ACYP2: variants seen among roughly 807,000 people sequenced by gnomAD.
ACYP2 encodes the protein acylphosphatase 2.
A neutral mutation model predicts 11.2 loss-of-function variants in ACYP2; 12 were observed. The ratio of observed to expected loss-of-function variants is 1.08; its 90% CI spans 0.69 to 1.74. ACYP2 has a LOEUF of 1.74. Among genes scored for constraint, ACYP2 ranks in the 40% most tolerant of loss-of-function variants. The probability of loss-of-function intolerance (pLI) is 0.00; values close to 1 mark genes in which losing one functional copy is unlikely to be tolerated. For synonymous variants in ACYP2, 43 were observed against 32.2 expected, an observed-to-expected ratio of 1.33 and a Z score of -1.13; for missense variants, 134 against 101.9, an observed-to-expected ratio of 1.31 and a Z score of -1.35.
chr2:54,136,813 T>G (rs2103778930), intron 5 of ACYP2, among the ~76,000 whole-genome samples: 1 of 152,176 alleles, frequency 6.6e-6, no homozygotes, highest in South Asian at 2.1e-4. Context: ...CCATCTCTAC[T>G]AAAAATACAA....
chr2:54,209,064 T>A (rs760186545), intron 6 of ACYP2, among the ~76,000 whole-genome samples: 4 of 151,944 alleles, frequency 2.6e-5, no homozygotes, highest in Non-Finnish European at 5.9e-5. Flanking sequence ...AGAATGAAGC[T>A]AGGAATGTTT....
chr2:53,971,619 G>A (rs1671124784), intron 1 of ACYP2, among the ~76,000 whole-genome samples: 1 of 152,174 alleles, frequency 6.6e-6, no homozygotes, highest in Non-Finnish European at 1.5e-5. Context: ...GCCCTCCCAA[G>A]GACTTAGTCT....
At chr2:54,201,620 CTTT>C (rs1684791429) in intron 6 of ACYP2, among the ~76,000 whole-genome samples, 7 of 87,108 alleles carry the variant, frequency 8.0e-5, no homozygotes, top group Middle Eastern at 5.9e-3. Context: ...TTCTTTCTTT[CTTT>C]GTTTCTTTCT....
chr2:54,213,423 T>A (rs1405886552), intron 6 of ACYP2, among the ~76,000 whole-genome samples: 1 of 152,196 alleles, frequency 6.6e-6, no homozygotes, highest in African/African-American at 2.4e-5. Flanking sequence ...GTCTTTATGG[T>A]AGAATGATTT....
chr2:53,981,472 A>T (rs1485922986), intron 2 of ACYP2, among the ~76,000 whole-genome samples: 1 of 152,188 alleles, frequency 6.6e-6, no homozygotes, highest in Non-Finnish European at 1.5e-5. Context: ...GAAAGCAACC[A>T]ATCAGAGGCT....
chr2:54,064,325 T>A (rs1676626230), intron 4 of ACYP2, among the ~76,000 whole-genome samples: 1 of 152,198 alleles, frequency 6.6e-6, no homozygotes, highest in Non-Finnish European at 1.5e-5. Context: ...CCAGCCAGTA[T>A]CTGGGTCGGG....
chr2:54,239,078 C>T (rs939778862), intron 6 of ACYP2, among the ~76,000 whole-genome samples: 1 of 152,006 alleles, frequency 6.6e-6, no homozygotes, highest in Non-Finnish European at 1.5e-5. Context: ...ATACCTAGAC[C>T]CACACAATGT....
intron 2 of ACYP2, among the ~76,000 whole-genome samples, chr2:54,039,474 T>A (rs1205540611): frequency 6.6e-6 from 1 of 151,906 alleles, no homozygotes; most frequent in Non-Finnish European, 1.5e-5. Context: ...GTATTTTTTC[T>A]AGAGATGGGG....
intron 4 of ACYP2, among the ~76,000 whole-genome samples, chr2:54,118,604 A>G (rs1413855246): frequency 2.6e-5 from 4 of 152,232 alleles, no homozygotes; most frequent in African/African-American, 4.8e-5. Flanking sequence ...CTATTACATT[A>G]TATATTTCTA....
intron 6 of ACYP2, among the ~76,000 whole-genome samples, chr2:54,289,391 G>T (rs1367888353): frequency 2.0e-5 from 3 of 151,910 alleles, no homozygotes; most frequent in African/African-American, 4.9e-5. Flanking sequence ...TGTTACTAGG[G>T]TGACAATTCT....
chr2:54,176,195 A>G (rs1020457403), intron 6 of ACYP2, among the ~76,000 whole-genome samples: 1 of 152,220 alleles, frequency 6.6e-6, no homozygotes, highest in African/African-American at 2.4e-5. Context: ...CGTATTTCTT[A>G]GCCTGTTTGA....
chr2:54,198,257 C>T (rs1484471008), intron 6 of ACYP2, among the ~76,000 whole-genome samples: 1 of 152,126 alleles, frequency 6.6e-6, no homozygotes, highest in African/African-American at 2.4e-5. Flanking sequence ...TCAGGTGATC[C>T]ACCTGCCTCG....
At chr2:54,089,153 T>C (rs975247543) in intron 4 of ACYP2, among the ~76,000 whole-genome samples, 1 of 152,240 alleles carries the variant, frequency 6.6e-6, no homozygotes, top group African/African-American at 2.4e-5. Flanking sequence ...AGCAAAGGAC[T>C]AGCTCTTATT....
At chr2:54,248,111 A>G (rs946784551) in intron 6 of ACYP2, among the ~76,000 whole-genome samples, 28 of 152,332 alleles carry the variant, frequency 1.8e-4, no homozygotes, top group African/African-American at 5.3e-4. Flanking sequence ...GTGTGGGACT[A>G]TAATTGCAAA....
At chr2:54,143,559 G>A (rs372009985) in intron 6 of ACYP2, among the ~76,000 whole-genome samples, 153 of 151,812 alleles carry the variant, frequency 1.0e-3, no homozygotes, top group African/African-American at 3.4e-3. Context: ...TCAGCCTCCC[G>A]AGTAGCTGGG....
intron 6 of ACYP2, among the ~76,000 whole-genome samples, chr2:54,199,079 GT>G (rs760657191): frequency 8.5e-5 from 13 of 152,188 alleles, no homozygotes; most frequent in Non-Finnish European, 1.5e-4. Context: ...GGTCATTTAG[GT>G]TTCTCAGAAC....
At chr2:54,251,334 CAG>C (rs1354064800) in intron 6 of ACYP2, among the ~76,000 whole-genome samples, 1 of 151,890 alleles carries the variant, frequency 6.6e-6, no homozygotes, top group East Asian at 1.9e-4. Context: ...CTTTTTCTGG[CAG>C]AGAGTTTCCA....
At chr2:53,999,306 C>A (rs1274330018) in intron 2 of ACYP2, among the ~76,000 whole-genome samples, 1 of 152,006 alleles carries the variant, frequency 6.6e-6, no homozygotes, top group Admixed American at 6.6e-5. Context: ...ATGAGAGCAA[C>A]AAGATTCACA....
intron 2 of ACYP2, among the ~76,000 whole-genome samples, chr2:54,040,580 A>G (rs1202416509): frequency 3.9e-5 from 6 of 152,324 alleles, no homozygotes; most frequent in Non-Finnish European, 8.8e-5. Context: ...AGGACCTAAC[A>G]TAGAAGACTG....
Sources: gnomAD v4.1 joint callset for allele counts (sites outside exome capture counted in the v4.1 genomes callset) on GRCh38, gnomAD v4.1.1 for gene constraint, MANE v1.5 for transcripts, NCBI Gene and HGNC (gene_info 2026-07-23, HGNC 2026-07-21) for gene names.